The following MRTFB variants were observed in gnomAD, a reference collection of about 807,000 sequenced individuals.
The protein encoded by MRTFB is myocardin-related transcription factor B.
A neutral mutation model predicts 104.2 loss-of-function variants in MRTFB; 29 were observed. The observed-to-expected ratio is 0.28, with a 90% CI of 0.21 to 0.38. The LOEUF is 0.38. Ranked by LOEUF, MRTFB falls within the 10% of genes least tolerant of loss-of-function variation. MRTFB has a pLI of 1.00. For synonymous variants in MRTFB, 535 were observed against 519.5 expected (o/e 1.03, Z -0.41); for missense variants, 1,270 against 1,341.6 (o/e 0.95, Z 0.83).
At chr16:14,236,862 C>T (rs2042539583) in intron 9 of MRTFB, among the ~76,000 whole-genome samples, 1 of 152,136 alleles carries the variant, frequency 6.6e-6, no homozygotes, top group Non-Finnish European at 1.5e-5. Flanking sequence ...GTAAAATGCA[C>T]AGCAGGAGAC....
At chr16:14,122,441 T>TACCCTGC (rs1159120006) in intron 2 of MRTFB, among the ~76,000 whole-genome samples, 4 of 152,112 alleles carry the variant, frequency 2.6e-5, no homozygotes, top group African/African-American at 9.7e-5. Context: ...CCTAGCCCCC[T>TACCCTGC]ACCCTGCAAC....
At chr16:14,253,568 G>A (rs138490625) in intron 15 of MRTFB, among the ~76,000 whole-genome samples, 1 of 152,170 alleles carries the variant, frequency 6.6e-6, no homozygotes, top group African/African-American at 2.4e-5. Flanking sequence ...CTCACCCAGG[G>A]AGTATGCAGT....
intron 8 of MRTFB, among the ~76,000 whole-genome samples, chr16:14,219,438 TTC>T (rs1046646401): frequency 9.2e-5 from 14 of 152,356 alleles, no homozygotes; most frequent in African/African-American, 2.9e-4. Context: ...TACATAATTT[TTC>T]TCTCCTTATA....
At chr16:14,128,252 A>T (rs1033715951) in intron 2 of MRTFB, among the ~76,000 whole-genome samples, 6 of 152,100 alleles carry the variant, frequency 3.9e-5, no homozygotes, top group Non-Finnish European at 8.8e-5. Flanking sequence ...ATATGTGCCA[A>T]AAATGGTGTT....
chr16:14,003,461 A>G, the MRTFB span, among the ~76,000 whole-genome samples: 1 of 152,160 alleles, frequency 6.6e-6, no homozygotes, highest in East Asian at 1.9e-4. Flanking sequence ...AAATCAGAGA[A>G]CAGCCCCCAG....
intron 2 of MRTFB, among the ~76,000 whole-genome samples, chr16:14,120,901 G>A (rs151086185): frequency 1.0e-3 from 154 of 152,260 alleles, no homozygotes; most frequent in African/African-American, 3.6e-3. Context: ...AGATATAGAA[G>A]TAGGGCCTGG....
intron 13 of MRTFB, among the ~76,000 whole-genome samples, chr16:14,250,229 C>T (rs2043198367): frequency 6.6e-6 from 1 of 152,146 alleles, no homozygotes. Flanking sequence ...TTACAGAACT[C>T]ATCACCATGG....
At chr16:14,251,740 C>T in intron 13 of MRTFB, 122 bp from the exon 14 acceptor site, 1 of 1,006,412 alleles carries the variant, frequency 9.9e-7, no homozygotes, top group Non-Finnish European at 1.5e-6. Flanking sequence ...AAATCATAAG[C>T]TATATACTCT....
intron 2 of MRTFB, among the ~76,000 whole-genome samples, chr16:14,115,544 A>G (rs564706356): frequency 5.1e-4 from 78 of 151,988 alleles, no homozygotes; most frequent in Non-Finnish European, 9.3e-4. Flanking sequence ...CTTTTCTTAA[A>G]CTCTGCGGCC....
chr16:14,189,856 G>T (rs1382302592), intron 3 of MRTFB, among the ~76,000 whole-genome samples: 1 of 152,048 alleles, frequency 6.6e-6, no homozygotes, highest in East Asian at 1.9e-4. Flanking sequence ...TCCTTATATT[G>T]GGATGTTTTA....
rs529156084 is a variant in MRTFB, at chr16:14,112,188, T to C, written c.-63-28356T>C. On this transcript the variant is annotated intron_variant, in intron 2 of 16. Transcript: ENST00000571589. ...GAGTAAGAGCCCATATCAAGGGAGG[T>C]AGGAAAGGAAAAAGGTGGCAGGATC... Among the ~76,000 whole-genome samples the C allele has an allele frequency of 5.6e-4, 85 of 150,998 alleles. No individual in the cohort carries two copies. The South Asian group carries it at 0.014, about 26-fold the overall frequency.
chr16:14,145,473 T>C (rs1209817605), intron 3 of MRTFB, among the ~76,000 whole-genome samples: 1 of 152,208 alleles, frequency 6.6e-6, no homozygotes, highest in Non-Finnish European at 1.5e-5. Context: ...TCCCTTGTTT[T>C]ACATTCATAT....
At chr16:14,190,815 A>G (rs1242169685) in intron 3 of MRTFB, among the ~76,000 whole-genome samples, 1 of 152,178 alleles carries the variant, frequency 6.6e-6, no homozygotes, top group Non-Finnish European at 1.5e-5. Flanking sequence ...GGCTCCTGTC[A>G]TTGTGTGGCT....
intron 1 of MRTFB, among the ~76,000 whole-genome samples, chr16:14,077,300 A>G (rs150052767): frequency 6.6e-6 from 1 of 152,118 alleles, no homozygotes; most frequent in African/African-American, 2.4e-5. Context: ...ATATAATTCA[A>G]CTTTTCCTTT....
intron 2 of MRTFB, among the ~76,000 whole-genome samples, chr16:14,082,714 G>A (rs949933450): frequency 1.3e-5 from 2 of 152,142 alleles, no homozygotes; most frequent in South Asian, 4.1e-4. Flanking sequence ...AGGAGTTCGA[G>A]GTTGCAGTGA....
intron 5 of MRTFB, among the ~76,000 whole-genome samples, chr16:14,212,912 G>T (rs1297890203): frequency 6.6e-6 from 1 of 152,092 alleles, no homozygotes; most frequent in Non-Finnish European, 1.5e-5. Flanking sequence ...ACTTGCACGT[G>T]ATAATTGTTA....
rs201155103 is a variant in MRTFB, at chr16:14,225,713, G to GAGAC, written c.693+6718_693+6721dup. ...TCATTCATGCCTGGCTAATTTTGTA[G>GAGAC]AGACAGGGTTTCGCCATATTGACCA... On this transcript the variant is annotated intron_variant, in intron 8 of 16. Coordinates refer to ENST00000571589, the MANE Select transcript of MRTFB (RefSeq NM_001308142.2). Among the ~76,000 whole-genome samples, 36 of 151,894 alleles carry GAGAC rather than the reference G, an allele frequency of 2.4e-4. No homozygotes were observed. In the East Asian group the frequency reaches 6.4e-3, roughly 27 times the overall value.
chr16:14,151,531 G>A (rs189454462), intron 3 of MRTFB: 1 of 152,172 alleles, frequency 6.6e-6, no homozygotes, highest in Admixed American at 6.5e-5. Context: ...TCACCATGAT[G>A]TTTTATAACT....
the MRTFB span, among the ~76,000 whole-genome samples, chr16:14,026,943 T>C: frequency 6.6e-6 from 1 of 152,146 alleles, no homozygotes; most frequent in African/African-American, 2.4e-5. Flanking sequence ...ATCTCAGGCA[T>C]TGCTGATGGG....
Sources: gnomAD v4.1 joint callset for allele counts (sites outside exome capture counted in the v4.1 genomes callset) on GRCh38, gnomAD v4.1.1 for gene constraint, MANE v1.5 for transcripts, NCBI Gene and HGNC (gene_info 2026-07-23, HGNC 2026-07-21) for gene names.